RSPO1: variants seen among roughly 807,000 people sequenced by gnomAD.
RSPO1 encodes the protein R-spondin 1, also known as R-spondin-1.
Under a neutral mutation model 26.0 loss-of-function variants are expected in RSPO1, and 18 were observed. The ratio of observed to expected loss-of-function variants is 0.69; its 90% CI spans 0.48 to 1.03. The LOEUF (loss-of-function observed/expected upper bound fraction) is 1.03, where lower values mean the gene tolerates loss of function less well. Among genes scored for constraint, RSPO1 ranks in the 50% least tolerant of loss-of-function variants. RSPO1 has a pLI of 0.00. For synonymous variants in RSPO1, 133 were observed against 137.4 expected, an observed-to-expected ratio of 0.97 and a Z score of 0.22; for missense variants, 309 against 352.3, an observed-to-expected ratio of 0.88 and a Z score of 0.98.
chr1:37,614,317 G>C lies in RSPO1; in HGVS notation c.303C>G (p.His101Gln). 1.9e-6 allele frequency: 3 copies of C among 1,613,774 alleles called. No homozygotes were observed. Among genetic ancestry groups the C allele is most frequent in the Non-Finnish European group, 1.7e-6 (2 of 1,180,044 alleles). Reference protein sequence around the residue: ...MNKCIKCKIEHCEACFSHNFC... With the variant: ...MNKCIKCKIEQCEACFSHNFC... ...AGTTATGGCTGAAGCAGGCCTCACA[G>C]TGCTCGATCTTGCATTCTGAGGAGA... The change falls in exon 5 of 7, where the codon CAC becomes CAG. Residue 101 changes from histidine to glutamine, a missense_variant. Physicochemically the swap from His to Gln is conservative, Grantham distance 24. Transcript: ENST00000356545.
chr1:37,616,122 G>T (rs1644107224), intron 4 of RSPO1, among the ~76,000 whole-genome samples: 1 of 152,166 alleles, frequency 6.6e-6, no homozygotes, highest in African/African-American at 2.4e-5. Context: ...CCGGAGCAAG[G>T]TGCTGGGAGC....
chr1:37,629,671 C>T lies in RSPO1; in HGVS notation c.-10G>A, dbSNP rs1644328059. 5 of 1,613,938 alleles carry T rather than the reference C, an allele frequency of 3.1e-6. No homozygotes were observed. In the South Asian group the frequency reaches 3.3e-5, roughly 11 times the overall value. Reference sequence around the variant, plus strand: ...ACAGCCCAAGCCGCATAGTCACGCGCCAGCTCCAGGCCCCTGGTCGGAGGG... The same window carrying T: ...ACAGCCCAAGCCGCATAGTCACGCGTCAGCTCCAGGCCCCTGGTCGGAGGG... On this transcript the variant is annotated 5_prime_UTR_variant, in exon 3 of 7. Transcript: ENST00000356545.
At chr1:37,620,284 G>A (rs970731608) in intron 3 of RSPO1, among the ~76,000 whole-genome samples, 11 of 151,934 alleles carry the variant, frequency 7.2e-5, no homozygotes, top group East Asian at 1.9e-4. Context: ...AGGCTGAGGC[G>A]GGCAGATCGC....
rs1418336139 is a variant in RSPO1 at position 37,634,255 on chromosome 1, C to G, written c.-356+311G>C. ...TTCTGGATTGGAGGCGGGGTATAAA[C>G]AGGGCTGGTGGACTTGGGGAATTCA... On this transcript the variant is annotated intron_variant, in intron 1 of 6. Transcript: ENST00000356545. The surrounding 1 kb of genome is among the most constrained non-coding windows in gnomAD (Gnocchi z 4.7). Among the ~76,000 whole-genome samples the G allele has an allele frequency of 6.6e-6, 1 of 152,104 alleles. No individual in the cohort carries two copies. Among genetic ancestry groups the G allele is most frequent in the African/African-American group, 2.4e-5 (1 of 41,412 alleles).
At position 37,612,606 on chromosome 1, in the gene RSPO1, T is replaced by G; in HGVS notation, c.*149A>C. On this transcript the variant is annotated 3_prime_UTR_variant, in exon 7 of 7. Coordinates refer to ENST00000356545, the MANE Select transcript of RSPO1 (RefSeq NM_001242908.2). ...ATGGTTGTATATGTGGACAGGGGTT[T>G]GAGCGTGTGTGTCTTGTGTCTATGT... The G allele has an allele frequency of 3.6e-6, 3 of 824,920 alleles. No homozygotes were observed. The highest frequency in any genetic ancestry group is 6.1e-6 in the Non-Finnish European group (3 of 490,084). 51.1% of individuals were successfully genotyped at this position (824,920 alleles called of 1,614,324 possible).
At chr1:37,624,024 T>C (rs933341174) in intron 3 of RSPO1, among the ~76,000 whole-genome samples, 1 of 152,066 alleles carries the variant, frequency 6.6e-6, no homozygotes, top group African/African-American at 2.4e-5. Context: ...CCTCCCAAAG[T>C]TCTGGGATTA....
rs4511080 is a variant in RSPO1, at chr1:37,630,288, C to A, written c.-288-339G>T. 0.16 allele frequency among the ~76,000 whole-genome samples: 24,752 copies of A among 152,114 alleles called. 2,569 individuals are homozygous for A. The highest frequency in any genetic ancestry group is 0.39 in the East Asian group (1,993 of 5,128). ...TCCTTCCTTAAGTCTACCCTACAGA[C>A]CTCATGCTGCAGTAGTATCCTGTCT... is the stretch of plus-strand genomic sequence containing the variant. On this transcript the variant is annotated intron_variant, in intron 2 of 6. Transcript: ENST00000356545.
intron 3 of RSPO1, among the ~76,000 whole-genome samples, chr1:37,629,046 A>G (rs1371912457): frequency 6.6e-6 from 1 of 152,208 alleles, no homozygotes; most frequent in Non-Finnish European, 1.5e-5. Flanking sequence ...TTTAAAAGCC[A>G]CAGCAGTGGA....
intron 1 of RSPO1, 148 bp from the exon 2 acceptor site, chr1:37,632,501 A>G (rs908866057): frequency 8.7e-5 from 3 of 34,550 alleles, no homozygotes; most frequent in Admixed American, 5.4e-4. Flanking sequence ...GAGTTCCTCT[A>G]TACCAGGGGG....
chr1:37,614,343 G>A lies in RSPO1; in HGVS notation c.287-10C>T. 1 of 1,613,396 alleles carries A rather than the reference G, an allele frequency of 6.2e-7. No homozygotes were observed. The highest frequency in any genetic ancestry group is 8.5e-7 in the Non-Finnish European group (1 of 1,180,024). ...TGCTCGATCTTGCATTCTGAGGAGA[G>A]GACAGATTGGGGGCTTCTGGCCCAG... On this transcript the variant is annotated splice_polypyrimidine_tract_variant and intron_variant, in intron 4 of 6. Transcript: ENST00000356545.
chr1:37,625,702 A>C (rs1376476283), intron 3 of RSPO1, among the ~76,000 whole-genome samples: 1 of 149,440 alleles, frequency 6.7e-6, no homozygotes, highest in Non-Finnish European at 1.5e-5. Flanking sequence ...TTTTGGAAAC[A>C]AAGTCTTGCT....
In RSPO1 at chr1:37,614,331, A is replaced by G. The variant is rs1644077551; in HGVS notation, c.289T>C (p.Cys97Arg). 1.2e-6 allele frequency: 2 copies of G among 1,613,596 alleles called. No individual in the cohort carries two copies. The highest frequency in any genetic ancestry group is 1.3e-5 in the African/African-American group (1 of 75,024). Residue 97 changes from cysteine to arginine, a missense_variant and splice_region_variant, in exon 5 of 7, where the codon TGC becomes CGC. Coordinates refer to ENST00000356545, the MANE Select transcript of RSPO1 (RefSeq NM_001242908.2). ...RNPDMNKCIK[C>R]KIEHCEACFS... ...CAGGCCTCACAGTGCTCGATCTTGC[A>G]TTCTGAGGAGAGGACAGATTGGGGG...
intron 3 of RSPO1, among the ~76,000 whole-genome samples, chr1:37,627,533 C>T (rs1215830216): frequency 6.6e-6 from 1 of 151,940 alleles, no homozygotes; most frequent in African/African-American, 2.4e-5. Context: ...GCCTGTAATC[C>T]CAGCTACTTG....
At position 37,616,659 on chromosome 1, in the gene RSPO1, G is replaced by A; in HGVS notation, c.111C>T (p.Ser37=). 6.2e-7 allele frequency: 1 copy of A among 1,614,014 alleles called. No homozygotes were observed. Among genetic ancestry groups the A allele is most frequent in the Non-Finnish European group, 8.5e-7 (1 of 1,180,030 alleles). ...KRQRRISAEG[S]QACAKGCELC... ...GCTCACAGCCTTTGGCACAGGCCTG[G>A]CTCCCCTCGGCACTGACTGCAAAGG... The change falls in exon 4 of 7, where the codon AGC becomes AGT. Residue 37 remains serine (S), a synonymous_variant. Transcript: ENST00000356545.
rs752862829 is a variant in RSPO1 at position 37,612,741 on chromosome 1, G to A, written c.*14C>T. 1.2e-6 allele frequency: 2 copies of A among 1,608,140 alleles called. No homozygotes were observed. Among genetic ancestry groups the A allele is most frequent in the African/African-American group, 1.3e-5 (1 of 75,026 alleles). ...GAACTCTTTCTGCATGGGCCTGGAG[G>A]CTGGACAGTGTCCCTAGGCAGGCCC... On this transcript the variant is annotated 3_prime_UTR_variant, in exon 7 of 7. Transcript: ENST00000356545.
chr1:37,616,680 A>G lies in RSPO1; in HGVS notation c.95-5T>C. Reference sequence around the variant, plus strand: ...CCTGGCTCCCCTCGGCACTGACTGCAAAGGTGGAGCAGGCATGAGAAGGCG... The same window carrying G: ...CCTGGCTCCCCTCGGCACTGACTGCGAAGGTGGAGCAGGCATGAGAAGGCG... On this transcript the variant is annotated splice_polypyrimidine_tract_variant and splice_region_variant and intron_variant, in intron 3 of 6. Coordinates refer to ENST00000356545, the MANE Select transcript of RSPO1 (RefSeq NM_001242908.2). 6.2e-7 allele frequency: 1 copy of G among 1,613,812 alleles called. No homozygotes were observed. Among genetic ancestry groups the G allele is most frequent in the Non-Finnish European group, 8.5e-7 (1 of 1,179,910 alleles).
chr1:37,611,669 C>A lies in RSPO1; in HGVS notation c.*1086G>T. 6.5e-6 allele frequency: 1 copy of A among 153,518 alleles called. No individual in the cohort carries two copies. 9.5% of individuals were successfully genotyped at this position (153,518 alleles called of 1,614,324 possible). On this transcript the variant is annotated 3_prime_UTR_variant, in exon 7 of 7. Transcript: ENST00000356545. ...CCATCACTGGAAGCCTACGCACTCC[C>A]TTCCCCTGGCAGTGCCACTAGCCCT...
chr1:37,620,445 A>G (rs1317676696), intron 3 of RSPO1, among the ~76,000 whole-genome samples: 3 of 152,042 alleles, frequency 2.0e-5, no homozygotes, highest in Non-Finnish European at 4.4e-5. Context: ...AGCCTGGCCA[A>G]TATGGTGAAA....
At chr1:37,618,242 G>C (rs1644146712) in intron 3 of RSPO1, among the ~76,000 whole-genome samples, 1 of 152,208 alleles carries the variant, frequency 6.6e-6, no homozygotes, top group South Asian at 2.1e-4. Context: ...GTGGAGAAAG[G>C]CTACTGTGTC....
Sources: gnomAD v4.1 joint callset for allele counts (sites outside exome capture counted in the v4.1 genomes callset) on GRCh38, gnomAD v4.1.1 for gene constraint, Gnocchi (gnomAD v3.1) non-coding constraint, MANE v1.5 for transcripts, NCBI Gene and HGNC (gene_info 2026-07-23, HGNC 2026-07-21) for gene names.